The following PCDH9 variants were observed in gnomAD, a reference collection of about 807,000 sequenced individuals.
The protein encoded by PCDH9 is protocadherin 9.
In PCDH9, 24 loss-of-function variants were observed where a neutral mutation model predicts 70.6. That is an observed-to-expected ratio of 0.34 (90% CI 0.25 to 0.48). PCDH9 has a LOEUF of 0.48. PCDH9 is among the 20% of genes least tolerant of loss of function. The pLI is 0.99. For synonymous variants in PCDH9, 562 were observed against 558.5 expected, an observed-to-expected ratio of 1.01 and a Z score of -0.09; for missense variants, 1,281 against 1,503.6, an observed-to-expected ratio of 0.85 and a Z score of 2.45.
chr13:66,609,518 CAG>C, intron 4 of PCDH9, among the ~76,000 whole-genome samples: 1 of 152,042 alleles, frequency 6.6e-6, no homozygotes, highest in East Asian at 1.9e-4. Context: ...TAACAGAAAA[CAG>C]AGGCAGGATT....
intron 3 of PCDH9, among the ~76,000 whole-genome samples, chr13:66,697,911 T>C (rs1200243343): frequency 6.6e-6 from 1 of 152,224 alleles, no homozygotes. Context: ...AACAAAATGT[T>C]ATATATACAT....
chr13:66,752,168 C>T lies in PCDH9; in HGVS notation c.3139-120757G>A, dbSNP rs536833840. ...GGCTTTTTCGTGGAACTGACAGAAA[C>T]GTGTGGCTGGAATAGAGTAAGTAAG... On this transcript the variant is annotated intron_variant, in intron 3 of 4. Transcript: ENST00000377865. Among the ~76,000 whole-genome samples the T allele has an allele frequency of 1.2e-4, 19 of 152,014 alleles. No homozygotes were observed. The South Asian group carries it at 3.7e-3, about 30-fold the overall frequency.
At chr13:66,888,832 C>T (rs1028561758) in intron 3 of PCDH9, among the ~76,000 whole-genome samples, 2 of 152,178 alleles carry the variant, frequency 1.3e-5, no homozygotes, top group African/African-American at 4.8e-5. Flanking sequence ...GCTTTCCCAA[C>T]ATTCAGAAGC....
At chr13:67,161,604 A>T (rs1045008237) in intron 2 of PCDH9, among the ~76,000 whole-genome samples, 3 of 152,204 alleles carry the variant, frequency 2.0e-5, no homozygotes, top group African/African-American at 7.2e-5. Flanking sequence ...GGTCATACAT[A>T]GACTCACATG....
At chr13:66,545,803 A>G (rs2138667939) in intron 4 of PCDH9, among the ~76,000 whole-genome samples, 1 of 86,410 alleles carries the variant, frequency 1.2e-5, no homozygotes, top group Non-Finnish European at 2.5e-5. Context: ...TTTCATTTTT[A>G]TTTTACTTTA....
chr13:66,692,681 C>T (rs1276854899), intron 3 of PCDH9, among the ~76,000 whole-genome samples: 2 of 151,948 alleles, frequency 1.3e-5, no homozygotes, highest in Admixed American at 1.3e-4. Context: ...GGTATAACAA[C>T]ATAACTTAAA....
At chr13:67,100,410 C>T (rs1250664997) in intron 2 of PCDH9, among the ~76,000 whole-genome samples, 2 of 152,128 alleles carry the variant, frequency 1.3e-5, no homozygotes, top group African/African-American at 4.8e-5. Flanking sequence ...AACCCTTAAA[C>T]ATATGTGTAA....
intron 4 of PCDH9, among the ~76,000 whole-genome samples, chr13:66,578,885 TC>T (rs2076851792): frequency 6.6e-6 from 1 of 152,108 alleles, no homozygotes; most frequent in African/African-American, 2.4e-5. Context: ...CCTGTGAATT[TC>T]CAGTCAGTCT....
chr13:66,559,817 A>T lies in PCDH9; in HGVS notation c.3340+71393T>A, dbSNP rs199867770. Among the ~76,000 whole-genome samples the T allele has an allele frequency of 8.4e-3, 781 of 93,068 alleles. 13 individuals carry two copies. Among genetic ancestry groups the T allele is most frequent in the East Asian group, 0.033 (90 of 2,730 alleles). The allele number at this position is 93,068 out of a possible 152,430, so 61.1% of individuals were successfully genotyped here. On this transcript the variant is annotated intron_variant, in intron 4 of 4. Transcript: ENST00000377865. Reference sequence around the variant, plus strand: ...TCCATCTCAAAAAAAAAAAAAAAAAAATATATATATATATATACACACACA... The same window carrying T: ...TCCATCTCAAAAAAAAAAAAAAAAATATATATATATATATATACACACACA...
chr13:66,498,596 T>C (rs1959153561), intron 4 of PCDH9, among the ~76,000 whole-genome samples: 1 of 152,188 alleles, frequency 6.6e-6, no homozygotes. Context: ...ATATATAGTA[T>C]TATAATGCCA....
intron 4 of PCDH9, among the ~76,000 whole-genome samples, chr13:66,370,213 C>T (rs2138214165): frequency 6.6e-6 from 1 of 152,042 alleles, no homozygotes; most frequent in South Asian, 2.1e-4. Flanking sequence ...TCCTCAAGGA[C>T]CTAGGAGCCA....
chr13:66,649,025 C>A (rs111636210), intron 3 of PCDH9, among the ~76,000 whole-genome samples: 1 of 151,670 alleles, frequency 6.6e-6, no homozygotes, highest in African/African-American at 2.4e-5. Flanking sequence ...AGACAAAAAA[C>A]GAATGAATAA....
intron 3 of PCDH9, among the ~76,000 whole-genome samples, chr13:66,847,421 C>T (rs1408631609): frequency 6.6e-6 from 1 of 152,112 alleles, no homozygotes; most frequent in Non-Finnish European, 1.5e-5. Flanking sequence ...GGGGTTTTTT[C>T]TCCTGTACAT....
chr13:67,166,838 G>C (rs557800067), intron 2 of PCDH9, among the ~76,000 whole-genome samples: 3 of 152,170 alleles, frequency 2.0e-5, no homozygotes, highest in Admixed American at 6.5e-5. Flanking sequence ...ACCATCACTT[G>C]TTTATCCTTT....
intron 2 of PCDH9, among the ~76,000 whole-genome samples, chr13:67,157,213 CT>C (rs917881711): frequency 6.6e-6 from 1 of 152,072 alleles, no homozygotes; most frequent in Non-Finnish European, 1.5e-5. Flanking sequence ...TATCACATAA[CT>C]TTTTTCACAT....
rs557935476 is a variant in PCDH9, at chr13:67,133,521, A to G, written c.3036+91884T>C. ...AGGATGCTTTACTGTCTGTAATTCT[A>G]TAATTTCAAATCTAAATTCTATGTC... is the stretch of plus-strand genomic sequence containing the variant. On this transcript the variant is annotated intron_variant, in intron 2 of 4. Transcript: ENST00000377865. 2.6e-5 allele frequency among the ~76,000 whole-genome samples: 4 copies of G among 152,240 alleles called. No individual in the cohort carries two copies. In the South Asian group the frequency reaches 6.2e-4, roughly 24 times the overall value.
At chr13:66,590,344 A>G (rs1384805211) in intron 4 of PCDH9, among the ~76,000 whole-genome samples, 2 of 151,922 alleles carry the variant, frequency 1.3e-5, no homozygotes, top group Non-Finnish European at 2.9e-5. Flanking sequence ...GTTTATAAAA[A>G]GCTCTTAACA....
intron 3 of PCDH9, among the ~76,000 whole-genome samples, chr13:66,673,310 G>C (rs893969235): frequency 6.6e-6 from 1 of 152,066 alleles, no homozygotes; most frequent in Non-Finnish European, 1.5e-5. Context: ...TATAAGACAC[G>C]CCTTTGCTCC....
chr13:66,340,931 G>A (rs1022229164), intron 4 of PCDH9, among the ~76,000 whole-genome samples: 1 of 151,994 alleles, frequency 6.6e-6, no homozygotes, highest in African/African-American at 2.4e-5. Context: ...TTATTTCAGG[G>A]GGAAATTATT....
Sources: allele counts gnomAD v4.1 joint callset (sites outside exome capture counted in the v4.1 genomes callset), GRCh38; gene constraint gnomAD v4.1.1; transcripts MANE v1.5; gene names NCBI Gene and HGNC (gene_info 2026-07-23, HGNC 2026-07-21).